Variants in ELF5 observed in about 807,000 individuals in gnomAD.
The protein encoded by ELF5 is ETS-related transcription factor Elf-5.
Under a neutral mutation model 38.2 loss-of-function variants are expected in ELF5, and 31 were observed. The ratio of observed to expected loss-of-function variants is 0.81; its 90% CI spans 0.61 to 1.10. The LOEUF is 1.10. Among genes scored for constraint, ELF5 ranks in the 50% least tolerant of loss-of-function variants. ELF5 has a pLI of 0.00. For missense variants in ELF5, 300 were observed against 306.6 expected, an observed-to-expected ratio of 0.98 and a Z score of 0.16; for synonymous variants, 121 against 112.5, an observed-to-expected ratio of 1.08 and a Z score of -0.48.
intron 2 of ELF5, among the ~76,000 whole-genome samples, chr11:34,505,121 A>G (rs1850580187): frequency 6.6e-6 from 1 of 152,202 alleles, no homozygotes; most frequent in Non-Finnish European, 1.5e-5. Context: ...CAAGTCACTT[A>G]GCCTCTCTGT....
At chr11:34,511,446 T>G (rs11606405) in intron 1 of ELF5, 4 of 1,518,496 alleles carry the variant, frequency 2.6e-6, no homozygotes, top group Non-Finnish European at 3.6e-6. Flanking sequence ...GTCATCATTC[T>G]AGCTGCCTAG....
rs1436219225 is a variant in ELF5, at chr11:34,482,492, A to G, written c.414T>C (p.Asp138=). 3.1e-6 allele frequency: 5 copies of G among 1,612,802 alleles called. No homozygotes were observed. In the South Asian group the frequency reaches 4.4e-5, roughly 14 times the overall value. The change falls in exon 5 of 7, where the codon GAT becomes GAC. Residue 138 remains aspartate (D), a synonymous_variant. Coordinates refer to ENST00000257832, the MANE Select transcript of ELF5 (RefSeq NM_001422.4). ...TGCCACTTGTTTTCAAGCAGTTGGAATCAGCATCTGAAATAGAATAATTTA... is the reference window on the plus strand; with the variant it reads ...TGCCACTTGTTTTCAAGCAGTTGGAGTCAGCATCTGAAATAGAATAATTTA... ...ESKATIKDYA[D]SNCLKTSGIK...
chr11:34,489,254 T>C (rs763755622), intron 4 of ELF5, among the ~76,000 whole-genome samples: 8 of 152,026 alleles, frequency 5.3e-5, no homozygotes, highest in Non-Finnish European at 1.2e-4. Flanking sequence ...GAGGAAAAAA[T>C]CATAACCCAT....
At position 34,478,947 on chromosome 11, in the gene ELF5, G is replaced by A. The variant is rs1172063620; in HGVS notation, c.*1271C>T. The A allele has an allele frequency of 6.6e-6, 1 of 152,606 alleles. No individual in the cohort carries two copies. Among genetic ancestry groups the A allele is most frequent in the South Asian group, 2.1e-4 (1 of 4,824 alleles). The allele number at this position is 152,606 out of a possible 1,614,324, so 9.5% of individuals were successfully genotyped here. On this transcript the variant is annotated 3_prime_UTR_variant, in exon 7 of 7. Coordinates refer to ENST00000257832, the MANE Select transcript of ELF5 (RefSeq NM_001422.4). The stretch of plus-strand genomic sequence containing the variant: ...TAAGGAGGTCTTCAGCCTGTACAGC[G>A]ATTCAGTGCCTCACCACTTGATTCC...
At position 34,513,745 on chromosome 11, in the gene ELF5, CCAG is replaced by C. The variant is rs1000308751; in HGVS notation, c.-76_-74del. 1.3e-5 allele frequency: 2 copies of C among 152,428 alleles called. No individual in the cohort carries two copies. The highest frequency in any genetic ancestry group is 4.8e-5 in the African/African-American group (2 of 41,452). 9.4% of individuals were successfully genotyped at this position (152,428 alleles called of 1,614,324 possible). A position where few individuals can be genotyped will look rare whatever the true frequency, so the allele number is the denominator to read the frequency against. ...CAAGAGAAGGCAGGCGCTCCCAGCACCAGCGTGCAGTGGAAATAAAGACACCTG... is the reference window on the plus strand; with the variant it reads ...CAAGAGAAGGCAGGCGCTCCCAGCACCGTGCAGTGGAAATAAAGACACCTG... On this transcript the variant is annotated 5_prime_UTR_variant, in exon 1 of 7. Transcript: ENST00000257832.
chr11:34,482,379 T>C, intron 5 of ELF5, 52 bp downstream of exon 5: 1 of 1,529,664 alleles, frequency 6.5e-7, no homozygotes, highest in South Asian at 1.1e-5. Context: ...GATGACTTTG[T>C]CTGAGGAATG....
At chr11:34,513,449 T>C (rs1850814456) in intron 1 of ELF5, among the ~76,000 whole-genome samples, 1 of 152,228 alleles carries the variant, frequency 6.6e-6, no homozygotes, top group Non-Finnish European at 1.5e-5. Context: ...GAGGGAGTGG[T>C]GGCTGTGAGG....
At position 34,484,291 on chromosome 11, in the gene ELF5, GTACTA is replaced by G. The variant is rs1210382452; in HGVS notation, c.407-1797_407-1793del. 7.9e-5 allele frequency among the ~76,000 whole-genome samples: 12 copies of G among 151,280 alleles called. No homozygotes were observed. The East Asian group carries it at 9.8e-4, about 12-fold the overall frequency. On this transcript the variant is annotated intron_variant, in intron 4 of 6. Coordinates refer to ENST00000257832, the MANE Select transcript of ELF5 (RefSeq NM_001422.4). Reference sequence around the variant, plus strand: ...CATACCACACTATACTGTAATAACTGTACTATACTATACTAACTATACTGTACCAT... The same window carrying G: ...CATACCACACTATACTGTAATAACTGTACTATACTAACTATACTGTACCAT...
chr11:34,493,413 C>G, intron 3 of ELF5, 66 bp downstream of exon 3: 1 of 1,475,534 alleles, frequency 6.8e-7, no homozygotes, highest in Non-Finnish European at 9.3e-7. Flanking sequence ...TGGGAAAGGA[C>G]TTCTCAAAGT....
chr11:34,495,943 A>G (rs909765859), intron 2 of ELF5, among the ~76,000 whole-genome samples: 9 of 152,182 alleles, frequency 5.9e-5, no homozygotes, highest in African/African-American at 2.2e-4. Context: ...GATGTTTATG[A>G]GCCTTGACAT....
chr11:34,486,697 T>C (rs557824134), intron 4 of ELF5, among the ~76,000 whole-genome samples: 1 of 152,352 alleles, frequency 6.6e-6, no homozygotes, highest in South Asian at 2.1e-4. Flanking sequence ...TTTCCTCAGA[T>C]GCAAATGGAG....
At chr11:34,485,207 A>G (rs1258620880) in intron 4 of ELF5, among the ~76,000 whole-genome samples, 1 of 152,242 alleles carries the variant, frequency 6.6e-6, no homozygotes, top group African/African-American at 2.4e-5. Context: ...TCTTTTCCAG[A>G]TGGTGGAACC....
In ELF5 at chr11:34,505,646, G is replaced by T. The variant is rs148001707; in HGVS notation, c.104C>A (p.Ala35Asp). 598 of 1,613,760 alleles carry T rather than the reference G, an allele frequency of 3.7e-4. 2 individuals are homozygous for T. In the South Asian group the frequency reaches 5.2e-3, roughly 14 times the overall value. Reference sequence around the variant, plus strand: ...GTACGCACCTGTCTGATGCTCAAAGGCAGGGTAGTACTCTTCATTGCTGAA... The same window carrying T: ...GTACGCACCTGTCTGATGCTCAAAGTCAGGGTAGTACTCTTCATTGCTGAA... ...DLFSNEEYYP[A>D]FEHQTACDSY... Residue 35 changes from alanine (A) to aspartate (D), a missense_variant, in exon 2 of 7, where the codon GCC (alanine) becomes GAC (aspartate). Physicochemically the swap from Ala to Asp is moderately radical, Grantham distance 126. Coordinates refer to ENST00000257832, the MANE Select transcript of ELF5 (RefSeq NM_001422.4).
rs550594122 is a variant in ELF5, at chr11:34,480,161, A to G, written c.*57T>C. On this transcript the variant is annotated 3_prime_UTR_variant, in exon 7 of 7. Transcript: ENST00000257832. The stretch of plus-strand genomic sequence containing the variant: ...ATGAAGCCTTTCGAATGTCTATTGC[A>G]ATCTGATTGTTTTAAAAGACAGAAA... 1.8e-5 allele frequency: 25 copies of G among 1,410,066 alleles called. No individual in the cohort carries two copies. In the African/African-American group the frequency reaches 3.4e-4, roughly 19 times the overall value. 87.3% of individuals were successfully genotyped at this position (1,410,066 alleles called of 1,614,324 possible). A position where few individuals can be genotyped will look rare whatever the true frequency, so the allele number is the denominator to read the frequency against.
At chr11:34,504,425 GTA>G (rs1276904664) in intron 2 of ELF5, among the ~76,000 whole-genome samples, 4 of 152,196 alleles carry the variant, frequency 2.6e-5, no homozygotes, top group African/African-American at 9.7e-5. Context: ...ACGCGTGTGT[GTA>G]TGTGTGTCCA....
chr11:34,480,222 AG>A lies in ELF5; in HGVS notation c.763del (p.Leu255TyrfsTer23). On this transcript the variant is annotated frameshift_variant, in exon 7 of 7. Coordinates refer to ENST00000257832, the MANE Select transcript of ELF5 (RefSeq NM_001422.4). LOFTEE classifies it high-confidence loss of function. ...GAGCTTGATGCCTGGAGCAGATCAT[AG>A]CTTGTCTTCCTGCCACCCGTGTGCA... ...KNAHGWQEDKL is the reference protein window; with the variant it reads ...KNAHGWQEDKX The A allele has an allele frequency of 6.2e-7, 1 of 1,613,796 alleles. No homozygotes were observed. The highest frequency in any genetic ancestry group is 8.5e-7 in the Non-Finnish European group (1 of 1,179,658).
At chr11:34,494,042 T>C (rs1850252739) in intron 2 of ELF5, among the ~76,000 whole-genome samples, 1 of 152,196 alleles carries the variant, frequency 6.6e-6, no homozygotes, top group Non-Finnish European at 1.5e-5. Context: ...GATAACATGA[T>C]ATCAAAAGCA....
chr11:34,512,300 G>A (rs903473127), intron 1 of ELF5, among the ~76,000 whole-genome samples: 3 of 152,118 alleles, frequency 2.0e-5, no homozygotes, highest in African/African-American at 4.8e-5. Flanking sequence ...TCTTTAGCTC[G>A]CTTAGGGAGT....
At position 34,479,320 on chromosome 11, in the gene ELF5, G is replaced by C. The variant is rs1013775348; in HGVS notation, c.*898C>G. 2 of 152,204 alleles carry C rather than the reference G, an allele frequency of 1.3e-5. No homozygotes were observed. The highest frequency in any genetic ancestry group is 1.3e-4 in the Admixed American group (2 of 15,284). 9.4% of individuals were successfully genotyped at this position (152,204 alleles called of 1,614,324 possible). ...GAATCACAGAAACAGCAGTGATTTT[G>C]TAATTGATGCCAGTGTCTGTTGACT... On this transcript the variant is annotated 3_prime_UTR_variant, in exon 7 of 7. Coordinates refer to ENST00000257832, the MANE Select transcript of ELF5 (RefSeq NM_001422.4).
Sources: allele counts gnomAD v4.1 joint callset (sites outside exome capture counted in the v4.1 genomes callset), GRCh38; gene constraint gnomAD v4.1.1; transcripts MANE v1.5; gene names NCBI Gene and HGNC (gene_info 2026-07-23, HGNC 2026-07-21).